Variants in SI observed in about 807,000 individuals in gnomAD.
SI encodes sucrase-isomaltase, intestinal.
Under a neutral mutation model 253.3 loss-of-function variants are expected in SI, and 235 were observed. That is an observed-to-expected ratio of 0.93 (90% confidence interval 0.83 to 1.03). SI has a LOEUF of 1.03. Ranked by LOEUF, SI falls within the 50% of genes least tolerant of loss-of-function variation. SI has a pLI of 0.00. For missense variants in SI, 2,442 were observed against 2,211.1 expected (o/e 1.10, Z -2.09); for synonymous variants, 819 against 712.0 (o/e 1.15, Z -2.39).
intron 5 of SI, 64 bp from the exon 6 acceptor site, chr3:165,067,555 G>T: frequency 7.5e-7 from 1 of 1,338,152 alleles, no homozygotes; most frequent in African/African-American, 1.4e-5. Flanking sequence ...TTCCAGTTCT[G>T]AATTATTAAA....
chr3:165,072,525 A>G (rs1161272842), intron 3 of SI, among the ~76,000 whole-genome samples: 2 of 152,078 alleles, frequency 1.3e-5, no homozygotes. Context: ...CCCGTTTTCT[A>G]ATTTCAGGTA....
rs776281521 is a variant in SI at position 165,047,034 on chromosome 3, CA to C, written c.1716-23del. ...AGCTCTAAAAATAAAACCAAATTAACAAATACAATTTATTTTAAAAAATAAA... is the reference window on the plus strand; with the variant it reads ...AGCTCTAAAAATAAAACCAAATTAACAATACAATTTATTTTAAAAAATAAA... On this transcript the variant is annotated intron_variant, in intron 15 of 47. Coordinates refer to ENST00000264382, the MANE Select transcript of SI (RefSeq NM_001041.4). 8.0e-6 allele frequency: 12 copies of C among 1,492,284 alleles called. No individual in the cohort carries two copies. In the Admixed American group the frequency reaches 2.0e-4, roughly 25 times the overall value. 92.4% of individuals were successfully genotyped at this position (1,492,284 alleles called of 1,614,324 possible).
chr3:165,070,264 A>T (rs866300701), intron 3 of SI, among the ~76,000 whole-genome samples: 6 of 142,374 alleles, frequency 4.2e-5, no homozygotes, highest in African/African-American at 1.6e-4. Flanking sequence ...ATGTATAATA[A>T]ATATACATAT....
chr3:165,000,986 A>C (rs991534793), intron 37 of SI, among the ~76,000 whole-genome samples: 2 of 151,268 alleles, frequency 1.3e-5, no homozygotes, highest in Non-Finnish European at 3.0e-5. Flanking sequence ...TTATAGAAGT[A>C]AAACCAGAAA....
intron 37 of SI, among the ~76,000 whole-genome samples, chr3:165,005,339 A>C (rs1404378579): frequency 2.0e-5 from 3 of 152,106 alleles, no homozygotes; most frequent in African/African-American, 4.8e-5. Context: ...CTTAAAAAAA[A>C]CCCTAAAAGT....
intron 47 of SI, among the ~76,000 whole-genome samples, chr3:164,979,951 T>G (rs1717101924): frequency 6.6e-6 from 1 of 151,916 alleles, no homozygotes; most frequent in Admixed American, 6.6e-5. Context: ...CTAGAGAGAT[T>G]ATTATCTCTA....
At chr3:165,039,268 T>A in intron 19 of SI, 134 bp from the exon 20 acceptor site, 2 of 627,304 alleles carry the variant, frequency 3.2e-6, no homozygotes, top group Non-Finnish European at 5.8e-6. Context: ...CTATAGATAA[T>A]AATCAAAGGG....
At chr3:165,076,203 C>T (rs1247905622) in intron 1 of SI, among the ~76,000 whole-genome samples, 191 bp from the exon 2 acceptor site, 1 of 151,594 alleles carries the variant, frequency 6.6e-6, no homozygotes, top group Non-Finnish European at 1.5e-5. Flanking sequence ...TAACCTGAAA[C>T]TTATACTGAT....
At chr3:165,073,195 TC>T (rs1178365924) in intron 3 of SI, among the ~76,000 whole-genome samples, 1 of 62,992 alleles carries the variant, frequency 1.6e-5, no homozygotes, top group African/African-American at 6.0e-5. Flanking sequence ...TCTCTCTCTC[TC>T]TCTCTCTCTC....
At position 165,043,080 on chromosome 3, in the gene SI, G is replaced by T; in HGVS notation, c.1983C>A (p.Asn661Lys). The change falls in exon 17 of 48, where the codon AAC becomes AAA. Residue 661 changes from asparagine to lysine, a missense_variant. Coordinates refer to ENST00000264382, the MANE Select transcript of SI (RefSeq NM_001041.4). ...QLGAFYPFSR[N>K]HNSDGYEHQD... ...TTACTTCATATCCGTCAGAATTATGGTTTCTGGAAAATGGATAAAATGCCC... is the reference window on the plus strand; with the variant it reads ...TTACTTCATATCCGTCAGAATTATGTTTTCTGGAAAATGGATAAAATGCCC... The T allele has an allele frequency of 6.2e-7, 1 of 1,609,574 alleles. No homozygotes were observed. Among genetic ancestry groups the T allele is most frequent in the Non-Finnish European group, 8.5e-7 (1 of 1,176,384 alleles).
In SI at chr3:165,038,230, A is replaced by C. The variant is rs377479910; in HGVS notation, c.2302-206T>G. Among the ~76,000 whole-genome samples the C allele has an allele frequency of 3.3e-5, 5 of 152,102 alleles. No homozygotes were observed. In the East Asian group the frequency reaches 5.8e-4, roughly 18 times the overall value. ...ATAAGTTCACTTTCTCAAAAATAAA[A>C]AAATCAACAAAAAGAGACTCATTTT... On this transcript the variant is annotated intron_variant, in intron 20 of 47. Coordinates refer to ENST00000264382, the MANE Select transcript of SI (RefSeq NM_001041.4).
In SI at chr3:165,043,019, T is replaced by C. The variant is rs563208170; in HGVS notation, c.2004+40A>G. 1.1e-4 allele frequency: 125 copies of C among 1,168,062 alleles called. 3 individuals are homozygous for C. In the South Asian group the frequency reaches 1.5e-3, roughly 14 times the overall value. 72.4% of individuals were successfully genotyped at this position (1,168,062 alleles called of 1,614,324 possible). A position where few individuals can be genotyped will look rare whatever the true frequency, so the allele number is the denominator to read the frequency against. On this transcript the variant is annotated intron_variant, in intron 17 of 47. Coordinates refer to ENST00000264382, the MANE Select transcript of SI (RefSeq NM_001041.4). ...TAAGTACATTAATAAAAACTATGGTTGTTTTTTATTTCGCAACATGGAGAA... is the reference window on the plus strand; with the variant it reads ...TAAGTACATTAATAAAAACTATGGTCGTTTTTTATTTCGCAACATGGAGAA...
intron 16 of SI, among the ~76,000 whole-genome samples, chr3:165,045,817 C>G (rs1262346182): frequency 3.5e-5 from 5 of 142,888 alleles, no homozygotes; most frequent in African/African-American, 1.3e-4. Flanking sequence ...TATCTTTTGA[C>G]TCATGAATGA....
intron 26 of SI, among the ~76,000 whole-genome samples, chr3:165,022,476 C>A (rs1048129100): frequency 1.3e-5 from 2 of 150,480 alleles, no homozygotes; most frequent in African/African-American, 4.9e-5. Flanking sequence ...CCTACCTCTT[C>A]ATTATTAATT....
chr3:165,007,438 C>A lies in SI; in HGVS notation c.4267+473G>T, dbSNP rs532422292. 6.6e-5 allele frequency among the ~76,000 whole-genome samples: 10 copies of A among 152,060 alleles called. No homozygotes were observed. The East Asian group carries it at 1.9e-3, about 29-fold the overall frequency. On this transcript the variant is annotated intron_variant, in intron 36 of 47. Transcript: ENST00000264382. Reference sequence around the variant, plus strand: ...TGAAACATCACATTCATCTTCATTTCCTTCTATGTCAAAGGTAAACAGATA... The same window carrying A: ...TGAAACATCACATTCATCTTCATTTACTTCTATGTCAAAGGTAAACAGATA...
chr3:165,043,634 G>A (rs1712967909), intron 16 of SI, among the ~76,000 whole-genome samples: 1 of 151,910 alleles, frequency 6.6e-6, no homozygotes. Context: ...ATAAAATTGA[G>A]CTTTGCCCGA....
chr3:165,029,449 G>T (rs1038247879), intron 25 of SI, among the ~76,000 whole-genome samples: 3 of 149,778 alleles, frequency 2.0e-5, no homozygotes, highest in Non-Finnish European at 4.5e-5. Context: ...CAGAGAAAAA[G>T]AAGTAATTAT....
chr3:165,037,449 T>C (rs1293224230), intron 21 of SI, among the ~76,000 whole-genome samples: 1 of 151,908 alleles, frequency 6.6e-6, no homozygotes, highest in East Asian at 1.9e-4. Flanking sequence ...CAATTTAGTT[T>C]CTCTCTCGCT....
At chr3:165,023,868 A>G in intron 25 of SI, 92 bp from the exon 26 acceptor site, 1 of 866,728 alleles carries the variant, frequency 1.2e-6, no homozygotes, top group Non-Finnish European at 1.9e-6. Context: ...CACACATTGT[A>G]TGATTTACAA....
Sources: allele counts gnomAD v4.1 joint callset (sites outside exome capture counted in the v4.1 genomes callset), GRCh38; gene constraint gnomAD v4.1.1; transcripts MANE v1.5; gene names NCBI Gene and HGNC (gene_info 2026-07-23, HGNC 2026-07-21).